MYLK4: variants seen among roughly 807,000 people sequenced by gnomAD.
MYLK4 encodes the protein myosin light chain kinase family member 4.
A neutral mutation model predicts 48.1 loss-of-function variants in MYLK4; 46 were observed. The ratio of observed to expected loss-of-function variants is 0.96; its 90% confidence interval spans 0.75 to 1.22. The LOEUF (loss-of-function observed/expected upper bound fraction) is 1.22, where lower values mean the gene tolerates loss of function less well. MYLK4 is among the 50% of genes most tolerant of loss of function. The pLI, the probability that MYLK4 is intolerant of heterozygous loss-of-function variation, is 0.00. For synonymous variants in MYLK4, 170 were observed against 180.8 expected (o/e 0.94, Z 0.48); for missense variants, 451 against 486.1 (o/e 0.93, Z 0.68).
At chr6:2,691,699 CT>C (rs1327636446) in intron 3 of MYLK4, among the ~76,000 whole-genome samples, 1 of 152,172 alleles carries the variant, frequency 6.6e-6, no homozygotes, top group Admixed American at 6.5e-5. Context: ...TTTACTTCAT[CT>C]TTAAAAAATA....
At chr6:2,765,883 G>T in the MYLK4 span, 1 of 1,450,482 alleles carries the variant, frequency 6.9e-7, no homozygotes, top group Non-Finnish European at 9.1e-7. Context: ...CCACCCCGAC[G>T]GCAGCCGAGA....
the MYLK4 span, among the ~76,000 whole-genome samples, chr6:2,769,617 C>T: frequency 6.6e-6 from 1 of 152,102 alleles, no homozygotes; most frequent in African/African-American, 2.4e-5. Flanking sequence ...GAGGCGTTAG[C>T]ATTCTAGGTT....
rs1052507294 is a variant in MYLK4 at position 2,672,080 on chromosome 6, G to C, written c.1120-732C>G. 3.3e-5 allele frequency among the ~76,000 whole-genome samples: 5 copies of C among 152,176 alleles called. No individual in the cohort carries two copies. The highest frequency in any genetic ancestry group is 1.2e-4 in the African/African-American group (5 of 41,442). ...AGTAGAGGTTGGATATCAGCTCATG[G>C]GTTGTTTTATTAGTTCACTGAGAGG... On this transcript the variant is annotated intron_variant, in intron 11 of 12. Transcript: ENST00000274643. The surrounding 1 kb of genome is among the most constrained non-coding windows in gnomAD (Gnocchi z 4.3).
the MYLK4 span, among the ~76,000 whole-genome samples, chr6:2,759,406 T>G: frequency 6.6e-6 from 1 of 152,338 alleles, no homozygotes; most frequent in Non-Finnish European, 1.5e-5. Flanking sequence ...TGTGCCCAGC[T>G]AAGATGTTCT....
chr6:2,744,267 A>G, intron 2 of MYLK4: 1 of 352,490 alleles, frequency 2.8e-6, no homozygotes, highest in Non-Finnish European at 5.1e-6. Context: ...GACAGATCTG[A>G]AACAGGTGTA....
chr6:2,761,073 G>A, the MYLK4 span, among the ~76,000 whole-genome samples: 15 of 152,158 alleles, frequency 9.9e-5, no homozygotes, highest in Non-Finnish European at 2.1e-4. Flanking sequence ...CATGCCCAAA[G>A]GTTCACTAGT....
the MYLK4 span, among the ~76,000 whole-genome samples, chr6:2,764,421 G>A: frequency 3.3e-5 from 5 of 152,066 alleles, no homozygotes; most frequent in Admixed American, 2.0e-4. Flanking sequence ...CCCTCAATGT[G>A]CTCTTGCCCA....
intron 2 of MYLK4, among the ~76,000 whole-genome samples, chr6:2,743,227 G>GT (rs1463164935): frequency 6.6e-6 from 1 of 152,166 alleles, no homozygotes; most frequent in African/African-American, 2.4e-5. Context: ...GATTCAGACT[G>GT]TTTTCCATAG....
chr6:2,756,745 G>A, the MYLK4 span, among the ~76,000 whole-genome samples: 1 of 152,146 alleles, frequency 6.6e-6, no homozygotes, highest in African/African-American at 2.4e-5. Context: ...TTGCTACAAG[G>A]TAAAATTCAT....
chr6:2,770,153 A>G, the MYLK4 span: 4 of 1,614,236 alleles, frequency 2.5e-6, no homozygotes, highest in Non-Finnish European at 3.4e-6. Context: ...ATGTGGGACG[A>G]TCACTCTGAT....
chr6:2,765,203 C>A, the MYLK4 span, among the ~76,000 whole-genome samples: 404 of 128,014 alleles, frequency 3.2e-3, 37 homozygotes, highest in Non-Finnish European at 5.8e-3. Flanking sequence ...CGCCCCTCCC[C>A]CGCCCCCGCA....
chr6:2,713,137 G>C (rs959812732), intron 2 of MYLK4, among the ~76,000 whole-genome samples: 1 of 152,170 alleles, frequency 6.6e-6, no homozygotes, highest in Non-Finnish European at 1.5e-5. Context: ...TTGGGAGGCT[G>C]AGGTGGGTGG....
At chr6:2,747,439 G>A (rs1220017366) in intron 2 of MYLK4, among the ~76,000 whole-genome samples, 2 of 151,970 alleles carry the variant, frequency 1.3e-5, no homozygotes, top group Admixed American at 6.6e-5. Context: ...TTGAACTCCC[G>A]GGCTCAAGCA....
chr6:2,765,275 A>G, the MYLK4 span: 117 of 151,944 alleles, frequency 7.7e-4, no homozygotes, highest in Middle Eastern at 0.029. Flanking sequence ...CGCGGACTAC[A>G]CTTCCCGAAG....
rs185921865 is a variant in MYLK4, at chr6:2,741,205, C to T, written c.159+7931G>A. On this transcript the variant is annotated intron_variant, in intron 2 of 12. Coordinates refer to ENST00000274643, the MANE Select transcript of MYLK4 (RefSeq NM_001012418.5). ...TCTGGGAAACTAATAGATAAATGTGCCTTTTATAACCATTATGTTTTAGGT... is the reference window on the plus strand; with the variant it reads ...TCTGGGAAACTAATAGATAAATGTGTCTTTTATAACCATTATGTTTTAGGT... Among the ~76,000 whole-genome samples the T allele has an allele frequency of 9.9e-5, 15 of 151,778 alleles. No homozygotes were observed. The East Asian group carries it at 2.7e-3, about 27-fold the overall frequency.
intron 2 of MYLK4, among the ~76,000 whole-genome samples, chr6:2,724,175 G>C (rs9328125): frequency 0.17 from 25,656 of 152,132 alleles, 2,267 homozygotes; most frequent in Middle Eastern, 0.22. Context: ...ACCATGCCTG[G>C]CTGATTGATT....
intron 12 of MYLK4, among the ~76,000 whole-genome samples, chr6:2,670,825 C>T (rs1760858473): frequency 6.6e-6 from 1 of 152,136 alleles, no homozygotes; most frequent in Admixed American, 6.5e-5. Context: ...CCACCCTTTA[C>T]AAGCTGCATG....
At chr6:2,765,937 C>G in the MYLK4 span, 6 of 1,443,188 alleles carry the variant, frequency 4.2e-6, no homozygotes, top group Non-Finnish European at 5.5e-6. Context: ...GCGGCGAGAC[C>G]GAGAGCCGCG....
At chr6:2,689,027 C>T (rs1466776309) in intron 3 of MYLK4, 71 bp from the exon 4 acceptor site, 3 of 1,204,446 alleles carry the variant, frequency 2.5e-6, no homozygotes, top group Admixed American at 3.4e-5. Context: ...AAGCCTGGGC[C>T]TCATAGTAAA....
Sources: allele counts gnomAD v4.1 joint callset (sites outside exome capture counted in the v4.1 genomes callset), GRCh38; gene constraint gnomAD v4.1.1; non-coding constraint Gnocchi (gnomAD v3.1); transcripts MANE v1.5; gene names NCBI Gene and HGNC (gene_info 2026-07-23, HGNC 2026-07-21).